Variants in DDX60 observed in about 807,000 individuals in gnomAD.
The protein encoded by DDX60 is DExD/H-box helicase 60.
In DDX60, 165 loss-of-function variants were observed where a neutral mutation model predicts 212.8. The ratio of observed to expected loss-of-function variants is 0.78; its 90% CI spans 0.68 to 0.88. The LOEUF (loss-of-function observed/expected upper bound fraction) is 0.88. Among genes scored for constraint, DDX60 ranks in the 40% least tolerant of loss-of-function variants. DDX60 has a pLI of 0.00. For missense variants in DDX60, 1,905 were observed against 2,003.9 expected (o/e 0.95, Z 0.94); for synonymous variants, 703 against 685.3 (o/e 1.03, Z -0.40).
At chr4:168,220,104 T>TTGACCCC in intron 37 of DDX60, among the ~76,000 whole-genome samples, 1 of 152,164 alleles carries the variant, frequency 6.6e-6, no homozygotes. Flanking sequence ...CAATGAAGCC[T>TTGACCCC]AAGAATGGGG....
At chr4:168,299,744 C>T (rs573794205) in intron 6 of DDX60, among the ~76,000 whole-genome samples, 31 of 151,834 alleles carry the variant, frequency 2.0e-4, no homozygotes, top group South Asian at 4.2e-4. Flanking sequence ...TAAATTTGAC[C>T]CCATTAGAGT....
chr4:168,245,070 TA>T (rs1335182497), intron 30 of DDX60, among the ~76,000 whole-genome samples: 1 of 152,184 alleles, frequency 6.6e-6, no homozygotes, highest in Non-Finnish European at 1.5e-5. Flanking sequence ...ACTGTACACT[TA>T]AAATGGTTAA....
chr4:168,293,847 C>T lies in DDX60; in HGVS notation c.822G>A (p.Met274Ile). 1 of 1,613,828 alleles carries T rather than the reference C, an allele frequency of 6.2e-7. No individual in the cohort carries two copies. The highest frequency in any genetic ancestry group is 8.5e-7 in the Non-Finnish European group (1 of 1,179,870). Reference protein sequence around the residue: ...CVTSCSLSLRMYHRFLGNREP... With the variant: ...CVTSCSLSLRIYHRFLGNREP... Reference sequence around the variant, plus strand: ...CTCTGTTTCCTAAAAAGCGATGGTACATTCTCAAAGATAATGAGCATGAAG... The same window carrying T: ...CTCTGTTTCCTAAAAAGCGATGGTATATTCTCAAAGATAATGAGCATGAAG... The change falls in exon 7 of 38, where the codon ATG (methionine) becomes ATA (isoleucine). Residue 274 changes from methionine to isoleucine, a missense_variant. Physicochemically the swap from Met to Ile is conservative, Grantham distance 10 (BLOSUM62 1). Coordinates refer to ENST00000393743, the MANE Select transcript of DDX60 (RefSeq NM_017631.6).
At chr4:168,283,812 G>A (rs1261833568) in intron 12 of DDX60, among the ~76,000 whole-genome samples, 1 of 149,808 alleles carries the variant, frequency 6.7e-6, no homozygotes, top group Non-Finnish European at 1.5e-5. Context: ...CACTTTCATG[G>A]TCTACCTCCT....
rs200464342 is a variant in DDX60 at position 168,275,391 on chromosome 4, T to G, written c.2258A>C (p.Lys753Thr). 8 of 1,612,512 alleles carry G rather than the reference T, an allele frequency of 5.0e-6. No individual in the cohort carries two copies. Among genetic ancestry groups the G allele is most frequent in the Non-Finnish European group, 6.8e-6 (8 of 1,179,278 alleles). Residue 753 changes from lysine to threonine, a missense_variant, in exon 16 of 38, where the codon AAA becomes ACA. Coordinates refer to ENST00000393743, the MANE Select transcript of DDX60 (RefSeq NM_017631.6). ...ATCCTGGACCCTGGGATCTGGGTCTTTTCTCTCATCTCGTATCAAATAATG... is the reference window on the plus strand; with the variant it reads ...ATCCTGGACCCTGGGATCTGGGTCTGTTCTCTCATCTCGTATCAAATAATG... ...MGHYLIRDER[K>T]DPDPRVQDFI...
intron 22 of DDX60, among the ~76,000 whole-genome samples, chr4:168,265,185 A>C (rs763976442): frequency 5.3e-5 from 8 of 152,208 alleles, no homozygotes; most frequent in Non-Finnish European, 1.2e-4. Flanking sequence ...TTGGATTCAG[A>C]TCAGCTCACT....
At chr4:168,246,760 C>CTGTA in intron 29 of DDX60, 142 bp from the exon 30 acceptor site, 1 of 810,462 alleles carries the variant, frequency 1.2e-6, no homozygotes, top group South Asian at 1.8e-5. Flanking sequence ...TAACATGCAA[C>CTGTA]TACATAGTGC....
intron 18 of DDX60, 44 bp from the exon 19 acceptor site, chr4:168,272,182 CTA>C: frequency 6.9e-7 from 1 of 1,453,122 alleles, no homozygotes; most frequent in Non-Finnish European, 9.5e-7. Flanking sequence ...TGAGCACTTA[CTA>C]TGTGTTGACA....
intron 28 of DDX60, among the ~76,000 whole-genome samples, chr4:168,250,316 C>T (rs566959312): frequency 2.0e-5 from 3 of 151,942 alleles, no homozygotes; most frequent in African/African-American, 7.2e-5. Flanking sequence ...CTGAGGCAGG[C>T]GGATCACCTA....
chr4:168,217,378 T>C (rs975855253), intron 37 of DDX60, among the ~76,000 whole-genome samples: 16 of 152,194 alleles, frequency 1.1e-4, no homozygotes, highest in African/African-American at 3.9e-4. Context: ...TTTTGTGTTA[T>C]TTATGCTAGT....
chr4:168,234,666 C>T (rs1733570296), intron 33 of DDX60, among the ~76,000 whole-genome samples: 2 of 152,010 alleles, frequency 1.3e-5, no homozygotes, highest in South Asian at 4.1e-4. Flanking sequence ...TCTACAATTA[C>T]CGACCTCTTT....
rs959673577 is a variant in DDX60 at position 168,299,192 on chromosome 4, C to T, written c.723+3108G>A. Among the ~76,000 whole-genome samples, 6 of 133,520 alleles carry T rather than the reference C, an allele frequency of 4.5e-5. 1 individual carries two copies. The South Asian group carries it at 7.0e-4, about 16-fold the overall frequency. The allele number at this position is 133,520 out of a possible 152,430, so 87.6% of individuals were successfully genotyped here. On this transcript the variant is annotated intron_variant, in intron 6 of 37. Transcript: ENST00000393743. ...AAAAAAAAAAAAAAAAAATCACAAA[C>T]GTGCTTTAATCTGGAACTTAAAAAC...
intron 7 of DDX60, among the ~76,000 whole-genome samples, chr4:168,292,124 C>T (rs1347462805): frequency 6.7e-6 from 1 of 148,404 alleles, no homozygotes; most frequent in African/African-American, 2.5e-5. Context: ...TCTCAGCTCA[C>T]AGCAACCTCC....
rs76456721 is a variant in DDX60, at chr4:168,232,152, C to T, written c.4533+4100G>A. 7.4e-3 allele frequency among the ~76,000 whole-genome samples: 1,117 copies of T among 151,950 alleles called. 11 individuals are homozygous for T. Among genetic ancestry groups the T allele is most frequent in the African/African-American group, 0.024 (979 of 41,466 alleles). ...GTAAAATAAAATACTTAGAAATATG[C>T]CTAACCAGGAGGTGAAAGACCTCTG... On this transcript the variant is annotated intron_variant, in intron 33 of 37. Coordinates refer to ENST00000393743, the MANE Select transcript of DDX60 (RefSeq NM_017631.6).
At chr4:168,305,483 A>G (rs1301260419) in intron 5 of DDX60, among the ~76,000 whole-genome samples, 1 of 151,976 alleles carries the variant, frequency 6.6e-6, no homozygotes, top group Admixed American at 6.6e-5. Context: ...CAGAAACTGG[A>G]TGTATTTATA....
chr4:168,302,167 T>C (rs1027118861), intron 6 of DDX60, 133 bp downstream of exon 6: 1 of 462,220 alleles, frequency 2.2e-6, no homozygotes, highest in Middle Eastern at 5.8e-4. Context: ...TCATAAATGT[T>C]CCGTGGTTAT....
the DDX60 span, among the ~76,000 whole-genome samples, chr4:168,324,695 T>C: frequency 6.6e-6 from 1 of 152,218 alleles, no homozygotes; most frequent in Non-Finnish European, 1.5e-5. Flanking sequence ...TTTTCAGGAA[T>C]TTAACCAAGG....
In DDX60 at chr4:168,314,297, C is replaced by G. The variant is rs1737268040; in HGVS notation, c.-106-2932G>C. Among the ~76,000 whole-genome samples the G allele has an allele frequency of 2.0e-5, 3 of 150,956 alleles. 1 individual carries two copies. In the South Asian group the frequency reaches 6.2e-4, roughly 31 times the overall value. On this transcript the variant is annotated intron_variant, in intron 1 of 37. Transcript: ENST00000393743. The stretch of plus-strand genomic sequence containing the variant: ...AGAGACATGCTAGAGATCCAGCCAC[C>G]TGTAGTAACTAATGATTGAACACTC...
intron 22 of DDX60, among the ~76,000 whole-genome samples, chr4:168,265,844 AG>A (rs1560838787): frequency 7.5e-4 from 11 of 14,692 alleles, no homozygotes; most frequent in African/African-American, 1.9e-3. Context: ...AAGGAAGGGA[AG>A]GGAAGGGAAG....
Sources: allele counts gnomAD v4.1 joint callset (sites outside exome capture counted in the v4.1 genomes callset), GRCh38; gene constraint gnomAD v4.1.1; transcripts MANE v1.5; gene names NCBI Gene and HGNC (gene_info 2026-07-23, HGNC 2026-07-21).